Variants in ATM observed in about 807,000 individuals in gnomAD.
ATM encodes the protein serine-protein kinase ATM.
ATM carries 308 observed loss-of-function variants against 387.0 expected under a neutral mutation model. The ratio of observed to expected loss-of-function variants is 0.80; its 90% CI spans 0.73 to 0.87. The LOEUF (loss-of-function observed/expected upper bound fraction) is 0.87. ATM is among the 40% of genes least tolerant of loss of function. The probability of loss-of-function intolerance (pLI) is 0.00; values close to 1 mark genes in which losing one functional copy is unlikely to be tolerated. For synonymous variants in ATM, 1,156 were observed against 1,187.3 expected (o/e 0.97, Z 0.54); for missense variants, 3,312 against 3,560.9 (o/e 0.93, Z 1.78).
At chr11:108,326,881 A>G (rs1425948472) in intron 47 of ATM, among the ~76,000 whole-genome samples, 1 of 152,148 alleles carries the variant, frequency 6.6e-6, no homozygotes, top group Admixed American at 6.6e-5. Flanking sequence ...GCTGGAGTGC[A>G]GTGGTACGAC....
chr11:108,332,195 A>G (rs971682643), intron 52 of ATM, among the ~76,000 whole-genome samples, 158 bp downstream of exon 52: 63 of 152,300 alleles, frequency 4.1e-4, no homozygotes, highest in Non-Finnish European at 5.9e-4. Flanking sequence ...TGGGAGGCTG[A>G]GGCGGGTGGA....
At chr11:108,358,156 C>A (rs919161668) in intron 61 of ATM, among the ~76,000 whole-genome samples, 1 of 151,492 alleles carries the variant, frequency 6.6e-6, no homozygotes, top group Non-Finnish European at 1.5e-5. Flanking sequence ...ATGCAGAAGC[C>A]TCAGGAGCCG....
At chr11:108,234,279 A>G (rs774093983) in intron 4 of ATM, among the ~76,000 whole-genome samples, 1 of 152,228 alleles carries the variant, frequency 6.6e-6, no homozygotes, top group Non-Finnish European at 1.5e-5. Context: ...GAATATAACT[A>G]GTTTCATCAT....
chr11:108,359,118 A>AAAAC (rs1447053848), intron 61 of ATM, among the ~76,000 whole-genome samples: 1 of 150,188 alleles, frequency 6.7e-6, no homozygotes, highest in Non-Finnish European at 1.5e-5. Context: ...AAGCAAATGG[A>AAAAC]AAACAAAAAA....
intron 22 of ATM, among the ~76,000 whole-genome samples, chr11:108,277,251 T>A (rs1399540373): frequency 1.3e-5 from 2 of 152,132 alleles, no homozygotes; most frequent in Non-Finnish European, 2.9e-5. Flanking sequence ...GACTTCAGAC[T>A]GTTCTGCTGG....
intron 4 of ATM, among the ~76,000 whole-genome samples, chr11:108,233,863 C>G (rs1177358768): frequency 3.7e-5 from 5 of 135,670 alleles, no homozygotes; most frequent in Admixed American, 3.3e-4. Flanking sequence ...ACAAGCAAAA[C>G]TATGAAAAAA....
In ATM at chr11:108,316,099, G is replaced by C. The variant is rs2136131994; in HGVS notation, c.6184G>C (p.Ala2062Pro). 6.2e-7 allele frequency: 1 copy of C among 1,614,032 alleles called. No homozygotes were observed. Among genetic ancestry groups the C allele is most frequent in the Non-Finnish European group, 8.5e-7 (1 of 1,179,952 alleles). Residue 2062 changes from alanine (A) to proline (P), a missense_variant, in exon 42 of 63, where the codon GCA (alanine) becomes CCA (proline). Physicochemically the swap from Ala to Pro is conservative, Grantham distance 27. This residue lies in a region of ATM where 1,405 missense variants were observed against 1,604.4 expected (regional missense o/e 0.88). Transcript: ENST00000675843. The part of the protein sequence containing the change: ...ETAIPSSTRQ[A>P]GIIQALQNLG... ...AGCAATCCCCTCATCAACACGCCAG[G>C]CAGGAATCATTCAGGTACATTTTTT...
intron 26 of ATM, among the ~76,000 whole-genome samples, chr11:108,286,216 G>A (rs1463524619): frequency 1.4e-5 from 2 of 145,632 alleles, no homozygotes; most frequent in African/African-American, 2.5e-5. Context: ...GGGAAGCTGA[G>A]TCAGGAGAAT....
intron 60 of ATM, among the ~76,000 whole-genome samples, 170 bp downstream of exon 60, chr11:108,354,050 TAA>T (rs1232618747): frequency 6.0e-4 from 80 of 132,574 alleles, no homozygotes; most frequent in Admixed American, 1.8e-3. Flanking sequence ...ACCCTGTATC[TAA>T]AAAAATACAC....
rs2085430228 is a variant in ATM, at chr11:108,324,098, T to C, written c.6573-1212T>C. On this transcript the variant is annotated intron_variant, in intron 45 of 62. Coordinates refer to ENST00000675843, the MANE Select transcript of ATM (RefSeq NM_000051.4). The stretch of plus-strand genomic sequence containing the variant: ...GAATAGGGTATAACACTTATTTACA[T>C]AGCATTTACATTATAGTAGGTATAA... Among the ~76,000 whole-genome samples the C allele has an allele frequency of 2.0e-5, 3 of 152,154 alleles. No individual in the cohort carries two copies. In the South Asian group the frequency reaches 6.2e-4, roughly 32 times the overall value.
Position 108,301,803 on chromosome 11 carries a change from T to C in ATM, c.5319+14T>C. ...TCAAGAAAAAAGGTCTCTTAAGTAATAAATGTTTATTGAATACCCAGCATA... is the reference window on the plus strand; with the variant it reads ...TCAAGAAAAAAGGTCTCTTAAGTAACAAATGTTTATTGAATACCCAGCATA... On this transcript the variant is annotated intron_variant, in intron 35 of 62. Coordinates refer to ENST00000675843, the MANE Select transcript of ATM (RefSeq NM_000051.4). The C allele has an allele frequency of 6.2e-7, 1 of 1,612,538 alleles. No homozygotes were observed. Among genetic ancestry groups the C allele is most frequent in the Non-Finnish European group, 8.5e-7 (1 of 1,178,954 alleles).
chr11:108,267,083 A>G (rs2081294112), intron 16 of ATM, 88 bp from the exon 17 acceptor site: 4 of 1,347,484 alleles, frequency 3.0e-6, no homozygotes, highest in Non-Finnish European at 4.2e-6. Flanking sequence ...GATGTGAGCC[A>G]CTGTGCCCAG....
chr11:108,266,905 C>T (rs1175819748), intron 16 of ATM, among the ~76,000 whole-genome samples: 2 of 151,290 alleles, frequency 1.3e-5, no homozygotes, highest in African/African-American at 2.4e-5. Context: ...AAGTGATTCT[C>T]CTGCCTCAGC....
At position 108,330,319 on chromosome 11, in the gene ATM, C is replaced by T. The variant is rs2086124656; in HGVS notation, c.7413C>T (p.Ile2471=). ...RFLCKAVENY[I]NCLLSGEEHD... ...TATGTAAAGCAGTTGAAAATTATAT[C>T]AACTGCTTATTAAGTGGAGAAGAAC... Residue 2471 remains isoleucine (I), a synonymous_variant, in exon 50 of 63, where the codon ATC becomes ATT. Coordinates refer to ENST00000675843, the MANE Select transcript of ATM (RefSeq NM_000051.4). The T allele has an allele frequency of 6.2e-7, 1 of 1,614,004 alleles. No homozygotes were observed. Among genetic ancestry groups the T allele is most frequent in the South Asian group, 1.1e-5 (1 of 91,078 alleles).
intron 61 of ATM, among the ~76,000 whole-genome samples, chr11:108,363,292 C>T (rs962345386): frequency 3.3e-5 from 5 of 152,124 alleles, no homozygotes; most frequent in East Asian, 1.9e-4. Flanking sequence ...CTGATCTCCC[C>T]GCTTCCTAAG....
chr11:108,254,128 C>G, intron 13 of ATM, 89 bp downstream of exon 13: 1 of 1,278,438 alleles, frequency 7.8e-7, no homozygotes, highest in South Asian at 1.3e-5. Flanking sequence ...GGAAAAACAG[C>G]AAGGATGGTG....
chr11:108,279,672 T>C, intron 23 of ATM, 64 bp downstream of exon 23: 2 of 1,293,766 alleles, frequency 1.5e-6, no homozygotes, highest in Non-Finnish European at 1.1e-6. Flanking sequence ...CATAAATTAC[T>C]TCACCAAGTT....
chr11:108,299,698 G>T lies in ATM; in HGVS notation c.5006-16G>T. On this transcript the variant is annotated splice_polypyrimidine_tract_variant and intron_variant, in intron 33 of 62. Transcript: ENST00000675843. ...TCTTACCTATGACTCTACTGAAATAGAATTTCTATATGTAGAGGCTGTTGG... is the reference window on the plus strand; with the variant it reads ...TCTTACCTATGACTCTACTGAAATATAATTTCTATATGTAGAGGCTGTTGG... 1.2e-6 allele frequency: 2 copies of T among 1,612,356 alleles called. No individual in the cohort carries two copies. Among genetic ancestry groups the T allele is most frequent in the Non-Finnish European group, 1.7e-6 (2 of 1,178,938 alleles).
chr11:108,343,927 G>T (rs1447490561), intron 57 of ATM, among the ~76,000 whole-genome samples: 7 of 152,170 alleles, frequency 4.6e-5, no homozygotes, highest in Admixed American at 4.6e-4. Flanking sequence ...AACATTTATT[G>T]TATGTTTTCT....
Sources: allele counts gnomAD v4.1 joint callset (sites outside exome capture counted in the v4.1 genomes callset), GRCh38; gene constraint gnomAD v4.1.1; regional missense constraint gnomAD v4.1.1; transcripts MANE v1.5; gene names NCBI Gene and HGNC (gene_info 2026-07-23, HGNC 2026-07-21).